Variants in SLC1A1 observed in about 807,000 individuals in gnomAD.
SLC1A1 encodes solute carrier family 1 member 1.
Under a neutral mutation model 53.3 loss-of-function variants are expected in SLC1A1, and 43 were observed. That is an observed-to-expected ratio of 0.81 (90% CI 0.63 to 1.04). The LOEUF is 1.04. Among genes scored for constraint, SLC1A1 ranks in the 50% least tolerant of loss-of-function variants. SLC1A1 has a pLI of 0.00. For synonymous variants in SLC1A1, 307 were observed against 243.2 expected (o/e 1.26, Z -2.44); for missense variants, 748 against 664.9 (o/e 1.12, Z -1.37).
At chr9:4,522,641 G>C (rs1446508571) in intron 1 of SLC1A1, among the ~76,000 whole-genome samples, 1 of 152,120 alleles carries the variant, frequency 6.6e-6, no homozygotes, top group Non-Finnish European at 1.5e-5. Context: ...GCGTGGCTGG[G>C]GAGGCCTCAG....
chr9:4,581,550 G>T (rs1035657813), intron 10 of SLC1A1, among the ~76,000 whole-genome samples: 1 of 152,212 alleles, frequency 6.6e-6, no homozygotes, highest in African/African-American at 2.4e-5. Context: ...ACTGTGACAC[G>T]TCAGGGTTTC....
At chr9:4,534,753 A>G (rs1011252113) in intron 1 of SLC1A1, among the ~76,000 whole-genome samples, 18 of 152,114 alleles carry the variant, frequency 1.2e-4, no homozygotes, top group Non-Finnish European at 8.8e-5. Flanking sequence ...AGACACAACA[A>G]AGAAAGAGAA....
intron 10 of SLC1A1, among the ~76,000 whole-genome samples, chr9:4,578,339 C>T (rs1820755850): frequency 6.6e-6 from 1 of 152,162 alleles, no homozygotes; most frequent in Non-Finnish European, 1.5e-5. Context: ...ACAACTTATT[C>T]AAGTAGTGGC....
intron 1 of SLC1A1, among the ~76,000 whole-genome samples, chr9:4,518,234 C>CAAAAAAA (rs34559140): frequency 2.2e-4 from 13 of 60,444 alleles, no homozygotes; most frequent in African/African-American, 4.3e-4. Flanking sequence ...TATTCCACCT[C>CAAAAAAA]AAAAAAAAAA....
chr9:4,585,285 T>C (rs147967930), intron 11 of SLC1A1, 27 bp from the exon 12 acceptor site: 14 of 1,612,540 alleles, frequency 8.7e-6, no homozygotes, highest in Non-Finnish European at 1.2e-5. Flanking sequence ...CTGGGCCTCC[T>C]GTCTGACTCC....
intron 1 of SLC1A1, 47 bp downstream of exon 1, chr9:4,490,817 C>G (rs1820207088): frequency 1.3e-6 from 2 of 1,512,852 alleles, no homozygotes; most frequent in Non-Finnish European, 1.8e-6. Flanking sequence ...CACGCGCTCT[C>G]TGCGCCCAGG....
At chr9:4,548,186 C>T (rs891765229) in intron 2 of SLC1A1, among the ~76,000 whole-genome samples, 1 of 152,120 alleles carries the variant, frequency 6.6e-6, no homozygotes, top group Non-Finnish European at 1.5e-5. Flanking sequence ...CTTCCCCTGC[C>T]GGCTCAGTGC....
At chr9:4,572,169 G>A (rs776371321) in intron 6 of SLC1A1, 35 bp from the exon 7 acceptor site, 39 of 1,557,214 alleles carry the variant, frequency 2.5e-5, no homozygotes, top group East Asian at 1.8e-4. Context: ...GATTATAATC[G>A]TGCATCAATA....
At chr9:4,531,706 T>C (rs1439146052) in intron 1 of SLC1A1, among the ~76,000 whole-genome samples, 1 of 152,108 alleles carries the variant, frequency 6.6e-6, no homozygotes, top group African/African-American at 2.4e-5. Context: ...TTGGAGAGAA[T>C]AGTGGTTCTC....
At chr9:4,572,514 C>A (rs763922784) in intron 7 of SLC1A1, 126 bp downstream of exon 7, 2 of 874,708 alleles carry the variant, frequency 2.3e-6, no homozygotes, top group Non-Finnish European at 3.8e-6. Context: ...AATATTGAAC[C>A]ACCAGAGTAT....
Position 4,490,523 on chromosome 9 carries a change from CG to C in SLC1A1, c.-155del. 2.3e-6 allele frequency: 1 copy of C among 433,600 alleles called. No individual in the cohort carries two copies. Among genetic ancestry groups the C allele is most frequent in the Non-Finnish European group, 4.0e-6 (1 of 248,096 alleles). The allele number at this position is 433,600 out of a possible 1,614,324, so 26.9% of individuals were successfully genotyped here. ...CGCGGTGCGCGATCCCGGGTGGCGG[CG>C]GCAACGGCGGTGGTGACGGCGGCGA... is the stretch of plus-strand genomic sequence containing the variant. On this transcript the variant is annotated 5_prime_UTR_variant, in exon 1 of 12. Transcript: ENST00000262352.
chr9:4,577,938 C>T (rs1240170481), intron 10 of SLC1A1, among the ~76,000 whole-genome samples: 1 of 152,148 alleles, frequency 6.6e-6, no homozygotes, highest in Non-Finnish European at 1.5e-5. Context: ...GAAGAAGCAT[C>T]AGCTGGATTC....
intron 1 of SLC1A1, among the ~76,000 whole-genome samples, chr9:4,499,324 C>T (rs897170421): frequency 6.6e-6 from 1 of 152,084 alleles, no homozygotes; most frequent in Admixed American, 6.5e-5. Context: ...GGATTACAGG[C>T]ATGAGTCACG....
intron 5 of SLC1A1, among the ~76,000 whole-genome samples, chr9:4,566,725 C>A (rs947656164): frequency 1.2e-4 from 18 of 152,128 alleles, no homozygotes; most frequent in African/African-American, 4.1e-4. Flanking sequence ...ATCGTTGTAT[C>A]CCCATTGCTG....
chr9:4,529,334 G>C (rs1816382269), intron 1 of SLC1A1, among the ~76,000 whole-genome samples: 1 of 152,178 alleles, frequency 6.6e-6, no homozygotes, highest in Non-Finnish European at 1.5e-5. Flanking sequence ...TGAATTGCTT[G>C]AAGCTGTTTA....
At chr9:4,502,392 A>G (rs1735977177) in intron 1 of SLC1A1, among the ~76,000 whole-genome samples, 2 of 148,478 alleles carry the variant, frequency 1.3e-5, no homozygotes, top group Admixed American at 1.3e-4. Flanking sequence ...GTCTCCAGAA[A>G]AAAAAAAAAA....
chr9:4,550,469 T>C (rs978031748), intron 2 of SLC1A1, among the ~76,000 whole-genome samples: 5 of 152,184 alleles, frequency 3.3e-5, no homozygotes, highest in Non-Finnish European at 7.4e-5. Flanking sequence ...TAGCTCACTG[T>C]AGTCTTGAAC....
intron 7 of SLC1A1, among the ~76,000 whole-genome samples, chr9:4,572,841 A>AC (rs1346591311): frequency 6.6e-6 from 1 of 152,108 alleles, no homozygotes; most frequent in African/African-American, 2.4e-5. Flanking sequence ...TAGCCACCAC[A>AC]CCCAGCCACC....
intron 6 of SLC1A1, among the ~76,000 whole-genome samples, chr9:4,569,124 G>C (rs959777072): frequency 1.3e-5 from 2 of 152,086 alleles, no homozygotes; most frequent in African/African-American, 4.8e-5. Flanking sequence ...TCTGCTTACA[G>C]TAGAGCTGGC....
Sources: allele counts gnomAD v4.1 joint callset (sites outside exome capture counted in the v4.1 genomes callset), GRCh38; gene constraint gnomAD v4.1.1; transcripts MANE v1.5; gene names NCBI Gene and HGNC (gene_info 2026-07-23, HGNC 2026-07-21).